The following CCDC148 variants were observed in gnomAD, a reference collection of about 807,000 sequenced individuals.
CCDC148 encodes coiled-coil domain containing 148.
CCDC148 carries 89 observed loss-of-function variants against 85.7 expected under a neutral mutation model. The ratio of observed to expected loss-of-function variants is 1.04; its 90% CI spans 0.87 to 1.24. CCDC148 has a LOEUF of 1.24. CCDC148 is among the 50% of genes most tolerant of loss of function. The probability of loss-of-function intolerance (pLI) is 0.00; values close to 1 mark genes in which losing one functional copy is unlikely to be tolerated. For synonymous variants in CCDC148, 230 were observed against 213.9 expected (o/e 1.08, Z -0.66); for missense variants, 692 against 671.7 (o/e 1.03, Z -0.33).
chr2:158,309,845 G>A (rs868104465), intron 8 of CCDC148, among the ~76,000 whole-genome samples: 1 of 152,202 alleles, frequency 6.6e-6, no homozygotes, highest in South Asian at 2.1e-4. Context: ...CTGAGGACAA[G>A]TCATTTAATG....
At chr2:158,326,466 C>G (rs902442432) in intron 7 of CCDC148, among the ~76,000 whole-genome samples, 17 of 152,034 alleles carry the variant, frequency 1.1e-4, no homozygotes, top group African/African-American at 4.1e-4. Flanking sequence ...CATGAGTACA[C>G]GAATTTTTGT....
intron 11 of CCDC148, among the ~76,000 whole-genome samples, chr2:158,208,839 T>A (rs1686397513): frequency 1.3e-5 from 2 of 152,126 alleles, no homozygotes; most frequent in Admixed American, 6.5e-5. Context: ...AGGATTTCTG[T>A]TGCTTGTAAG....
chr2:158,285,821 C>T (rs1420887503), intron 9 of CCDC148, among the ~76,000 whole-genome samples: 3 of 152,020 alleles, frequency 2.0e-5, no homozygotes. Context: ...CAGGAGTGAG[C>T]CACCGCGCCC....
chr2:158,240,418 G>T (rs1688296776), intron 10 of CCDC148, among the ~76,000 whole-genome samples: 1 of 141,712 alleles, frequency 7.1e-6, no homozygotes, highest in Non-Finnish European at 1.5e-5. Flanking sequence ...CTGGGATCCA[G>T]TTAGATCACT....
chr2:158,338,814 A>G lies in CCDC148; in HGVS notation c.676T>C (p.Ser226Pro). The G allele has an allele frequency of 6.2e-7, 1 of 1,612,296 alleles. No individual in the cohort carries two copies. Among genetic ancestry groups the G allele is most frequent in the African/African-American group, 1.3e-5 (1 of 74,926 alleles). ...SLECPYPDLK[S>P]SILSEFYKFT... ...TTATAGAACTCACTGAGAATTGAAG[A>G]TTTCAAATCAGGGTATGGGCATTCC... is the stretch of plus-strand genomic sequence containing the variant. Residue 226 changes from serine to proline, a missense_variant, in exon 7 of 14, where the codon TCT becomes CCT. Coordinates refer to ENST00000283233, the MANE Select transcript of CCDC148 (RefSeq NM_138803.4).
At chr2:158,435,887 T>C (rs907251024) in intron 1 of CCDC148, among the ~76,000 whole-genome samples, 1 of 152,126 alleles carries the variant, frequency 6.6e-6, no homozygotes, top group African/African-American at 2.4e-5. Flanking sequence ...AGAAGGCCAA[T>C]ACATAATGGT....
At chr2:158,437,702 A>T (rs1687727285) in intron 1 of CCDC148, among the ~76,000 whole-genome samples, 1 of 152,256 alleles carries the variant, frequency 6.6e-6, no homozygotes, top group Non-Finnish European at 1.5e-5. Flanking sequence ...CTGTTTGCAG[A>T]TGACATAATT....
chr2:158,198,582 GT>G (rs1188581383), intron 11 of CCDC148, among the ~76,000 whole-genome samples: 1 of 152,070 alleles, frequency 6.6e-6, no homozygotes. Context: ...TCATGCCTTT[GT>G]TTTCTTTCCT....
At chr2:158,282,930 G>C (rs1484271457) in intron 9 of CCDC148, among the ~76,000 whole-genome samples, 1 of 152,158 alleles carries the variant, frequency 6.6e-6, no homozygotes, top group Non-Finnish European at 1.5e-5. Flanking sequence ...CCAAAACAGA[G>C]ATATAGATCA....
intron 9 of CCDC148, among the ~76,000 whole-genome samples, chr2:158,305,700 G>A (rs1691651067): frequency 6.8e-6 from 1 of 146,210 alleles, no homozygotes; most frequent in African/African-American, 2.5e-5. Flanking sequence ...GCTGCAATGA[G>A]CTATGATTGC....
At position 158,436,766 on chromosome 2, in the gene CCDC148, T is replaced by C. The variant is rs1687672218; in HGVS notation, c.25+19649A>G. Among the ~76,000 whole-genome samples the C allele has an allele frequency of 1.3e-5, 2 of 151,888 alleles. 1 individual carries two copies. The highest frequency in any genetic ancestry group is 1.3e-4 in the Admixed American group (2 of 15,248). Reference sequence around the variant, plus strand: ...AAAAAGAAAAGAGAGAAGAATCAAATAGACACAATAAAAAATGATAAAGGG... The same window carrying C: ...AAAAAGAAAAGAGAGAAGAATCAAACAGACACAATAAAAAATGATAAAGGG... On this transcript the variant is annotated intron_variant, in intron 1 of 13. Transcript: ENST00000283233.
intron 10 of CCDC148, among the ~76,000 whole-genome samples, chr2:158,248,685 T>G (rs568013181): frequency 1.3e-5 from 2 of 152,132 alleles, no homozygotes; most frequent in East Asian, 3.9e-4. Flanking sequence ...GGCATGGAGA[T>G]TTTCATGTTT....
chr2:158,348,888 A>G (rs6720543), intron 2 of CCDC148, among the ~76,000 whole-genome samples: 3 of 152,072 alleles, frequency 2.0e-5, no homozygotes, highest in Non-Finnish European at 4.4e-5. Flanking sequence ...ATTCAAATTT[A>G]AAAATAATTG....
At chr2:158,270,716 T>C (rs919898660) in intron 9 of CCDC148, among the ~76,000 whole-genome samples, 1 of 152,190 alleles carries the variant, frequency 6.6e-6, no homozygotes, top group African/African-American at 2.4e-5. Flanking sequence ...GATACAAATA[T>C]AGCTCAACTC....
At chr2:158,380,436 G>A (rs905478947) in intron 1 of CCDC148, among the ~76,000 whole-genome samples, 2 of 152,106 alleles carry the variant, frequency 1.3e-5, no homozygotes, top group Non-Finnish European at 2.9e-5. Context: ...TTTGGAATCA[G>A]GCTGTGAAAG....
At chr2:158,438,996 G>A (rs1445611319) in intron 1 of CCDC148, among the ~76,000 whole-genome samples, 1 of 152,166 alleles carries the variant, frequency 6.6e-6, no homozygotes, top group Non-Finnish European at 1.5e-5. Context: ...GAGAGGATGT[G>A]GAGAAATAGG....
At chr2:158,427,827 C>T (rs796739148) in intron 1 of CCDC148, among the ~76,000 whole-genome samples, 19 of 152,230 alleles carry the variant, frequency 1.2e-4, no homozygotes, top group African/African-American at 3.9e-4. Context: ...GCCATCATCA[C>T]ACCACTGCAC....
At chr2:158,402,565 T>C (rs1685830325) in intron 1 of CCDC148, among the ~76,000 whole-genome samples, 1 of 152,140 alleles carries the variant, frequency 6.6e-6, no homozygotes, top group South Asian at 2.1e-4. Context: ...TCACCATTAC[T>C]CTAGCCTTCA....
At chr2:158,279,132 T>C (rs181429289) in intron 9 of CCDC148, among the ~76,000 whole-genome samples, 134 of 152,186 alleles carry the variant, frequency 8.8e-4, no homozygotes, top group African/African-American at 2.8e-3. Context: ...CATCTGTACA[T>C]CACCATCATC....
Sources: allele counts gnomAD v4.1 joint callset (sites outside exome capture counted in the v4.1 genomes callset), GRCh38; gene constraint gnomAD v4.1.1; transcripts MANE v1.5; gene names NCBI Gene and HGNC (gene_info 2026-07-23, HGNC 2026-07-21).